SPMAP2: variants seen among roughly 807,000 people sequenced by gnomAD.
SPMAP2 encodes the protein Theg homolog.
the SPMAP2 span, among the ~76,000 whole-genome samples, chr19:367,610 T>C: frequency 6.6e-6 from 1 of 152,314 alleles, no homozygotes; most frequent in Admixed American, 6.5e-5. Context: ...CTCTCATGCA[T>C]GACTGGAAGG....
the SPMAP2 span, among the ~76,000 whole-genome samples, chr19:368,978 T>A: frequency 6.6e-6 from 1 of 151,996 alleles, no homozygotes; most frequent in Non-Finnish European, 1.5e-5. The surrounding 1 kb of genome is among the most constrained non-coding windows in gnomAD (Gnocchi z 4.1). Context: ...CTCAGACAAG[T>A]GGGAAAGGGA....
At chr19:366,819 C>T in the SPMAP2 span, among the ~76,000 whole-genome samples, 1 of 152,300 alleles carries the variant, frequency 6.6e-6, no homozygotes, top group African/African-American at 2.4e-5. Flanking sequence ...TTTAAAGCTG[C>T]ATTTGTTCCT....
chr19:374,159 C>T, the SPMAP2 span: 1 of 1,489,174 alleles, frequency 6.7e-7, no homozygotes, highest in Non-Finnish European at 9.2e-7. Flanking sequence ...AACTGGCCAA[C>T]CCCACCTACC....
chr19:373,473 G>A, the SPMAP2 span: 1 of 1,613,234 alleles, frequency 6.2e-7, no homozygotes, highest in South Asian at 1.1e-5. Flanking sequence ...CACCTACCGG[G>A]CACTGTGATG....
the SPMAP2 span, chr19:362,390 C>A: frequency 1.2e-6 from 2 of 1,608,066 alleles, no homozygotes; most frequent in Non-Finnish European, 1.7e-6. Flanking sequence ...GCGAGGATCT[C>A]GGTCAGGAAC....
At chr19:373,919 C>T in the SPMAP2 span, 360 of 1,610,104 alleles carry the variant, frequency 2.2e-4, no homozygotes, top group South Asian at 2.1e-3. Flanking sequence ...AGGCACACGG[C>T]GGAGACAGCC....
chr19:370,105 T>A, the SPMAP2 span, among the ~76,000 whole-genome samples: 1 of 152,052 alleles, frequency 6.6e-6, no homozygotes, highest in Non-Finnish European at 1.5e-5. Context: ...GTGGCCAGGA[T>A]GGGGAGCGCC....
At chr19:367,866 A>AT in the SPMAP2 span, among the ~76,000 whole-genome samples, 1 of 151,842 alleles carries the variant, frequency 6.6e-6, no homozygotes, top group Non-Finnish European at 1.5e-5. Flanking sequence ...CAATTAGACC[A>AT]TTTTTTTTCT....
At chr19:362,116 C>A in the SPMAP2 span, 1 of 1,069,302 alleles carries the variant, frequency 9.4e-7, no homozygotes, top group Non-Finnish European at 1.3e-6. Context: ...TCTAGCCCGC[C>A]CTCCCTTCTC....
At chr19:375,577 G>A in the SPMAP2 span, 77 of 1,370,826 alleles carry the variant, frequency 5.6e-5, no homozygotes, top group South Asian at 4.7e-4. Context: ...CCTTTCGCCC[G>A]CCCAGGGGGC....
chr19:372,858 G>A, the SPMAP2 span, among the ~76,000 whole-genome samples: 1 of 152,240 alleles, frequency 6.6e-6, no homozygotes, highest in Non-Finnish European at 1.5e-5. Context: ...ACACCCTGCA[G>A]AGAGAAGATT....
At chr19:375,854 G>T in the SPMAP2 span, 13 of 1,600,580 alleles carry the variant, frequency 8.1e-6, no homozygotes, top group African/African-American at 1.5e-4. Flanking sequence ...TGACCCGCCG[G>T]CTCTCGTACA....
chr19:371,367 GGGGTGTGTGTGT>G, the SPMAP2 span: 7 of 718,942 alleles, frequency 9.7e-6, no homozygotes, highest in African/African-American at 2.2e-5. Context: ...GCCGGGGGTG[GGGGTGTGTGTGT>G]GTGTGTGTGT....
chr19:375,345 C>A, the SPMAP2 span, among the ~76,000 whole-genome samples: 613 of 152,274 alleles, frequency 4.0e-3, 3 homozygotes, highest in African/African-American at 0.014. Flanking sequence ...GGCCATCACT[C>A]GCTAAACTCT....
the SPMAP2 span, among the ~76,000 whole-genome samples, chr19:364,156 AT>A: frequency 2.7e-5 from 4 of 149,250 alleles, no homozygotes; most frequent in Non-Finnish European, 4.5e-5. Flanking sequence ...ACACGGTGAA[AT>A]CCCATCTCTA....
chr19:362,280 T>C, the SPMAP2 span: 1 of 1,600,220 alleles, frequency 6.2e-7, no homozygotes, highest in Non-Finnish European at 8.5e-7. Context: ...AGGGGACGCC[T>C]GTCGTATCCC....
At chr19:375,621 C>G in the SPMAP2 span, 9 of 1,514,912 alleles carry the variant, frequency 5.9e-6, no homozygotes, top group Non-Finnish European at 7.1e-6. Flanking sequence ...GGGCTGAGCC[C>G]TACCCCACCG....
At chr19:373,417 C>T in the SPMAP2 span, 1 of 1,589,002 alleles carries the variant, frequency 6.3e-7, no homozygotes, top group South Asian at 1.1e-5. Flanking sequence ...GGCAGGTTCC[C>T]TGGAGGCCGG....
the SPMAP2 span, chr19:371,212 A>G: frequency 2.8e-6 from 4 of 1,453,654 alleles, no homozygotes; most frequent in Non-Finnish European, 3.7e-6. Flanking sequence ...CACCTCAGAC[A>G]TGGGCATGCT....
Sources: gnomAD v4.1 joint callset for allele counts (sites outside exome capture counted in the v4.1 genomes callset) on GRCh38, gnomAD v4.1.1 for gene constraint, Gnocchi (gnomAD v3.1) non-coding constraint, MANE v1.5 for transcripts, NCBI Gene and HGNC (gene_info 2026-07-23, HGNC 2026-07-21) for gene names.